The following FUBP3 variants were observed in gnomAD, a reference collection of about 807,000 sequenced individuals.
FUBP3 encodes the protein far upstream element binding protein 3.
FUBP3 carries 28 observed loss-of-function variants against 85.6 expected under a neutral mutation model. The ratio of observed to expected loss-of-function variants is 0.33; its 90% CI spans 0.24 to 0.45. The LOEUF is 0.45. Among genes scored for constraint, FUBP3 ranks in the 20% least tolerant of loss-of-function variants. The pLI, the probability that FUBP3 is intolerant of heterozygous loss-of-function variation, is 1.00. For synonymous variants in FUBP3, 271 were observed against 271.4 expected (o/e 1.00, Z 0.01); for missense variants, 583 against 755.1 (o/e 0.77, Z 2.67).
At chr9:130,582,267 A>G (rs1211713316) in intron 1 of FUBP3, among the ~76,000 whole-genome samples, 1 of 152,136 alleles carries the variant, frequency 6.6e-6, no homozygotes, top group African/African-American at 2.4e-5. Context: ...CCTGGGCAAC[A>G]TAGCGAGACC....
intron 1 of FUBP3, among the ~76,000 whole-genome samples, chr9:130,589,512 T>C (rs1311872280): frequency 6.6e-6 from 1 of 150,634 alleles, no homozygotes; most frequent in Non-Finnish European, 1.5e-5. Context: ...CCCAGCTAAT[T>C]TTTGTATTTT....
At chr9:130,596,142 T>A (rs935938211) in intron 2 of FUBP3, among the ~76,000 whole-genome samples, 2 of 152,192 alleles carry the variant, frequency 1.3e-5, no homozygotes, top group Non-Finnish European at 2.9e-5. Context: ...CCAAAAAGAA[T>A]TTGAGAACAC....
intron 2 of FUBP3, among the ~76,000 whole-genome samples, chr9:130,608,619 A>G (rs1022692769): frequency 1.3e-5 from 2 of 152,260 alleles, no homozygotes; most frequent in African/African-American, 4.8e-5. Context: ...TCAAACAGAT[A>G]GGCAAAGAGA....
At chr9:130,614,764 T>C (rs1831917685) in intron 6 of FUBP3, among the ~76,000 whole-genome samples, 1 of 152,228 alleles carries the variant, frequency 6.6e-6, no homozygotes, top group Non-Finnish European at 1.5e-5. Flanking sequence ...CCTTCTGATA[T>C]TTGTGAACCA....
intron 1 of FUBP3, among the ~76,000 whole-genome samples, chr9:130,590,699 T>G (rs1479879236): frequency 6.6e-6 from 1 of 152,214 alleles, no homozygotes; most frequent in East Asian, 1.9e-4. Flanking sequence ...TGTGAAGAAT[T>G]GCTTGGGCTC....
At position 130,579,670 on chromosome 9, in the gene FUBP3, C is replaced by CG. The variant is rs746131756; in HGVS notation, c.-6dup. On this transcript the variant is annotated 5_prime_UTR_variant, in exon 1 of 19. Transcript: ENST00000319725. ...GCGTCGGCGGCGGCGGCGACGGCGGCGGGGGCGGTAATGGCGGAGCTGGTG... is the reference window on the plus strand; with the variant it reads ...GCGTCGGCGGCGGCGGCGACGGCGGCGGGGGGCGGTAATGGCGGAGCTGGTG... The CG allele has an allele frequency of 1.2e-3, 1,461 of 1,246,650 alleles. 1 individual carries two copies. Among genetic ancestry groups the CG allele is most frequent in the Non-Finnish European group, 1.4e-3 (1,381 of 993,708 alleles). 77.2% of individuals were successfully genotyped at this position (1,246,650 alleles called of 1,614,324 possible).
chr9:130,610,046 C>T (rs1831660546), intron 3 of FUBP3, 59 bp downstream of exon 3: 1 of 1,263,276 alleles, frequency 7.9e-7, no homozygotes, highest in Non-Finnish European at 1.2e-6. Flanking sequence ...TATTGATCCA[C>T]CATCTGTACT....
At chr9:130,631,300 C>T (rs1419902179) in intron 13 of FUBP3, 5 of 1,380,414 alleles carry the variant, frequency 3.6e-6, no homozygotes, top group African/African-American at 1.5e-5. Flanking sequence ...GCAGGTTGGT[C>T]CCTACCCCCA....
Position 130,614,168 on chromosome 9 carries a change from C to G in FUBP3, c.347-120C>G, listed in dbSNP as rs1831886226. ...ACAAGTGGAAGCAAACTGTCTTTTT[C>G]TGGGAGCCTGGGCCTCTGCAGGGCT... On this transcript the variant is annotated intron_variant, in intron 5 of 18. Coordinates refer to ENST00000319725, the MANE Select transcript of FUBP3 (RefSeq NM_003934.2). The G allele has an allele frequency of 6.9e-6, 4 of 582,742 alleles. No homozygotes were observed. In the East Asian group the frequency reaches 1.1e-4, roughly 16 times the overall value. The allele number at this position is 582,742 out of a possible 1,614,324, so 36.1% of individuals were successfully genotyped here.
At chr9:130,631,088 G>A (rs533234029) in intron 13 of FUBP3, 16 of 1,122,042 alleles carry the variant, frequency 1.4e-5, no homozygotes, top group Non-Finnish European at 1.0e-5. Flanking sequence ...CTCCCCCCAC[G>A]CTGCCCCGGG....
At chr9:130,625,631 T>G (rs7021911) in intron 11 of FUBP3, among the ~76,000 whole-genome samples, 3 of 152,200 alleles carry the variant, frequency 2.0e-5, no homozygotes, top group East Asian at 3.9e-4. Context: ...GACTTGCTGC[T>G]GTCTCAATGA....
intron 1 of FUBP3, among the ~76,000 whole-genome samples, chr9:130,586,177 A>C (rs1319353871): frequency 6.6e-6 from 1 of 152,032 alleles, no homozygotes; most frequent in Non-Finnish European, 1.5e-5. Context: ...CTAATACCAG[A>C]TGGTTACAAA....
At chr9:130,595,087 G>C (rs956696582) in intron 1 of FUBP3, among the ~76,000 whole-genome samples, 3 of 151,934 alleles carry the variant, frequency 2.0e-5, no homozygotes, top group African/African-American at 7.3e-5. Flanking sequence ...TTAGCTGGGC[G>C]TGGTGGCGCA....
chr9:130,610,998 A>G (rs1831716158), intron 3 of FUBP3, among the ~76,000 whole-genome samples: 1 of 152,186 alleles, frequency 6.6e-6, no homozygotes, highest in African/African-American at 2.4e-5. Flanking sequence ...TACCTTGGAC[A>G]AGTTTCAGCC....
chr9:130,584,391 G>A (rs1308926433), intron 1 of FUBP3, among the ~76,000 whole-genome samples: 2 of 151,936 alleles, frequency 1.3e-5, no homozygotes, highest in Non-Finnish European at 2.9e-5. Flanking sequence ...AGCTGGGTGT[G>A]GTGGCAGGTG....
At chr9:130,624,697 T>C (rs865817314) in intron 11 of FUBP3, among the ~76,000 whole-genome samples, 1 of 151,548 alleles carries the variant, frequency 6.6e-6, no homozygotes, top group African/African-American at 2.4e-5. Context: ...ATTTTATGGG[T>C]GGCCCAAGAC....
chr9:130,588,100 C>G (rs1002665160), intron 1 of FUBP3, among the ~76,000 whole-genome samples: 5 of 152,132 alleles, frequency 3.3e-5, no homozygotes, highest in African/African-American at 9.7e-5. Context: ...TGCTGGGTGC[C>G]AGGCAAGGAT....
intron 2 of FUBP3, among the ~76,000 whole-genome samples, chr9:130,599,880 C>T (rs952100252): frequency 1.8e-4 from 28 of 152,166 alleles, no homozygotes; most frequent in African/African-American, 6.5e-4. Flanking sequence ...CATTGCCTGC[C>T]CTCCCGCTTG....
At chr9:130,584,011 G>T (rs1390940871) in intron 1 of FUBP3, among the ~76,000 whole-genome samples, 1 of 151,912 alleles carries the variant, frequency 6.6e-6, no homozygotes, top group Admixed American at 6.6e-5. Flanking sequence ...TGCTGGGATG[G>T]GTGTGAGGCA....
Sources: allele counts gnomAD v4.1 joint callset (sites outside exome capture counted in the v4.1 genomes callset), GRCh38; gene constraint gnomAD v4.1.1; transcripts MANE v1.5; gene names NCBI Gene and HGNC (gene_info 2026-07-23, HGNC 2026-07-21).